NADK: variants seen among roughly 807,000 people sequenced by gnomAD.
NADK encodes poly(P)/ATP NAD kinase.
Under a neutral mutation model 49.8 loss-of-function variants are expected in NADK, and 22 were observed. The ratio of observed to expected loss-of-function variants is 0.44; its 90% CI spans 0.32 to 0.63. The LOEUF is 0.63. NADK is among the 30% of genes least tolerant of loss of function. The pLI is 0.06. For missense variants in NADK, 438 were observed against 609.4 expected, an observed-to-expected ratio of 0.72 and a Z score of 2.96; for synonymous variants, 268 against 253.7, an observed-to-expected ratio of 1.06 and a Z score of -0.54.
rs781729596 is a variant in NADK at position 1,754,632 on chromosome 1, T to G, written c.755A>C (p.Lys252Thr). The G allele has an allele frequency of 6.2e-7, 1 of 1,613,928 alleles. No homozygotes were observed. Among genetic ancestry groups the G allele is most frequent in the Non-Finnish European group, 8.5e-7 (1 of 1,179,894 alleles). Residue 252 changes from lysine to threonine, a missense_variant, in exon 8 of 12, where the codon AAG (lysine) becomes ACG (threonine). Transcript: ENST00000341426. This position sits in a 1 kb window ranked among gnomAD's most constrained non-coding sequence, Gnocchi z 4.3. The part of the protein sequence containing the change: ...VRVVKELRGK[K>T]TAVHNGLGEN... Reference sequence around the variant, plus strand: ...ACCCAGCCCATTGTGCACGGCCGTCTTCTTCCCCCGGAGCTCCTTCACCAC... The same window carrying G: ...ACCCAGCCCATTGTGCACGGCCGTCGTCTTCCCCCGGAGCTCCTTCACCAC...
At chr1:1,775,612 A>G (rs1646188859) in intron 1 of NADK, among the ~76,000 whole-genome samples, 1 of 152,198 alleles carries the variant, frequency 6.6e-6, no homozygotes, top group African/African-American at 2.4e-5. Flanking sequence ...GGCTCCACCT[A>G]CTTAGGGGCA....
intron 10 of NADK, 29 bp from the exon 11 acceptor site, chr1:1,753,678 C>T (rs1463159241): frequency 1.9e-6 from 3 of 1,573,156 alleles, no homozygotes; most frequent in Non-Finnish European, 1.7e-6. Context: ...GAGGTGTGGG[C>T]CCCCAGCTGT....
intron 3 of NADK, 106 bp from the exon 4 acceptor site, chr1:1,757,416 CCT>C: frequency 9.4e-7 from 1 of 1,062,980 alleles, no homozygotes; most frequent in Non-Finnish European, 1.4e-6. Context: ...GGTGTTTTCA[CCT>C]CCCAGGGAAA....
upstream of NADK, chr1:1,779,143 G>C (rs541119805): frequency 1.0e-3 from 156 of 152,504 alleles, 1 homozygote; most frequent in African/African-American, 3.6e-3. Context: ...AGAGGTCTAC[G>C]CTTGGGATCC....
upstream of NADK, chr1:1,780,146 A>G (rs962834508): frequency 1.3e-5 from 2 of 152,362 alleles, no homozygotes; most frequent in African/African-American, 4.8e-5. Flanking sequence ...ACACCCACAG[A>G]AGCGGCCTTG....
intron 3 of NADK, chr1:1,758,568 T>C (rs1342375612): frequency 6.5e-7 from 1 of 1,541,858 alleles, no homozygotes; most frequent in South Asian, 1.2e-5. Context: ...ACTAGAAGCC[T>C]AAGCTCTTCA....
Position 1,752,825 on chromosome 1 carries a change from C to T in NADK, c.*79G>A, listed in dbSNP as rs1645366573. The T allele has an allele frequency of 6.6e-7, 1 of 1,509,746 alleles. No homozygotes were observed. The highest frequency in any genetic ancestry group is 9.0e-7 in the Non-Finnish European group (1 of 1,112,262). The allele number at this position is 1,509,746 out of a possible 1,614,324, so 93.5% of individuals were successfully genotyped here. A position where few individuals can be genotyped will look rare whatever the true frequency, so the allele number is the denominator to read the frequency against. On this transcript the variant is annotated 3_prime_UTR_variant, in exon 12 of 12. Coordinates refer to ENST00000341426, the MANE Select transcript of NADK (RefSeq NM_023018.5). ...GCCGTGCCACTGAGACAGGCGGTCACAGACACACGCAGATTGGTCTGTCCC... is the reference window on the plus strand; with the variant it reads ...GCCGTGCCACTGAGACAGGCGGTCATAGACACACGCAGATTGGTCTGTCCC...
At chr1:1,760,207 C>T (rs566404308) in intron 3 of NADK, among the ~76,000 whole-genome samples, 7 of 152,268 alleles carry the variant, frequency 4.6e-5, no homozygotes, top group South Asian at 2.1e-4. Flanking sequence ...AAACAGGGGT[C>T]GGGCCCCCCG....
At chr1:1,757,877 C>G (rs540607157) in intron 3 of NADK, among the ~76,000 whole-genome samples, 1 of 152,134 alleles carries the variant, frequency 6.6e-6, no homozygotes, top group Admixed American at 6.5e-5. Flanking sequence ...CACTCACTCT[C>G]ACAGTAAAAA....
intron 10 of NADK, 142 bp from the exon 11 acceptor site, chr1:1,753,791 G>T (rs1039357829): frequency 1.2e-6 from 1 of 831,114 alleles, no homozygotes; most frequent in African/African-American, 1.7e-5. Context: ...CGTCCTACAG[G>T]CACCGGCCCA....
intron 3 of NADK, among the ~76,000 whole-genome samples, chr1:1,758,006 A>G (rs1645585068): frequency 1.3e-5 from 2 of 152,196 alleles, no homozygotes; most frequent in Non-Finnish European, 2.9e-5. Flanking sequence ...TGGGATTCCC[A>G]TTACCACGTT....
chr1:1,767,514 T>A (rs952923531), intron 1 of NADK, among the ~76,000 whole-genome samples: 22 of 152,074 alleles, frequency 1.4e-4, no homozygotes, highest in Admixed American at 5.2e-4. Flanking sequence ...AGAGGGGCCG[T>A]GCACAGAAAC....
At chr1:1,753,520 G>A (rs557891359) in intron 11 of NADK, 47 bp downstream of exon 11, 92 of 1,537,692 alleles carry the variant, frequency 6.0e-5, no homozygotes, top group Admixed American at 7.0e-5. Context: ...TGCCTGGCCC[G>A]GGGAGGAGGT....
chr1:1,756,210 GCA>G lies in NADK; in HGVS notation c.585+46_585+47del, dbSNP rs1645515195. 4.6e-6 allele frequency: 7 copies of G among 1,519,034 alleles called. No homozygotes were observed. The South Asian group carries it at 6.7e-5, about 15-fold the overall frequency. 94.1% of individuals were successfully genotyped at this position (1,519,034 alleles called of 1,614,324 possible). ...ATGCTTGTGAGCCCCTCGTTACGCA[GCA>G]CCTAGACTAGAACCTGGTGTGGGTC... On this transcript the variant is annotated intron_variant, in intron 6 of 11. Coordinates refer to ENST00000341426, the MANE Select transcript of NADK (RefSeq NM_023018.5).
At chr1:1,763,924 C>T (rs1645806429) in intron 2 of NADK, among the ~76,000 whole-genome samples, 1 of 152,136 alleles carries the variant, frequency 6.6e-6, no homozygotes, top group Admixed American at 6.5e-5. Context: ...AATAAAACCC[C>T]AAAGCAATTC....
chr1:1,778,275 G>A lies in NADK; in HGVS notation c.-41+14C>T, dbSNP rs1237587183. 6.6e-6 allele frequency: 1 copy of A among 151,984 alleles called. No homozygotes were observed. Among genetic ancestry groups the A allele is most frequent in the Non-Finnish European group, 1.5e-5 (1 of 67,950 alleles). 9.4% of individuals were successfully genotyped at this position (151,984 alleles called of 1,614,324 possible). Reference sequence around the variant, plus strand: ...CGACCCCAGGCGGACGGCAGGCCGGGTCTGCTCACTCACCGTTCGCTGCCG... The same window carrying A: ...CGACCCCAGGCGGACGGCAGGCCGGATCTGCTCACTCACCGTTCGCTGCCG... On this transcript the variant is annotated intron_variant, in intron 1 of 11. Coordinates refer to ENST00000341426, the MANE Select transcript of NADK (RefSeq NM_023018.5). The surrounding 1 kb of genome is among the most constrained non-coding windows in gnomAD (Gnocchi z 4.9).
intron 1 of NADK, among the ~76,000 whole-genome samples, chr1:1,771,085 CACACAT>C (rs1646038346): frequency 1.4e-5 from 2 of 146,210 alleles, no homozygotes; most frequent in Non-Finnish European, 3.0e-5. Flanking sequence ...TACACACACA[CACACAT>C]ATATTATTAA....
At chr1:1,760,216 C>T (rs953295766) in intron 3 of NADK, among the ~76,000 whole-genome samples, 3 of 152,164 alleles carry the variant, frequency 2.0e-5, no homozygotes, top group African/African-American at 7.2e-5. Context: ...TCGGGCCCCC[C>T]GCCTCAGGCA....
intron 1 of NADK, among the ~76,000 whole-genome samples, chr1:1,769,917 A>G (rs1035935837): frequency 6.6e-6 from 1 of 152,030 alleles, no homozygotes; most frequent in African/African-American, 2.4e-5. Flanking sequence ...TCTCTACTAA[A>G]AATACAAAAA....
Sources: gnomAD v4.1 joint callset for allele counts (sites outside exome capture counted in the v4.1 genomes callset) on GRCh38, gnomAD v4.1.1 for gene constraint, Gnocchi (gnomAD v3.1) non-coding constraint, MANE v1.5 for transcripts, NCBI Gene and HGNC (gene_info 2026-07-23, HGNC 2026-07-21) for gene names.